Variants in KDM7A observed in about 807,000 individuals in gnomAD.
KDM7A encodes lysine-specific demethylase 7A.
A neutral mutation model predicts 114.8 loss-of-function variants in KDM7A; 28 were observed. The ratio of observed to expected loss-of-function variants is 0.24; its 90% CI spans 0.18 to 0.33. The LOEUF (loss-of-function observed/expected upper bound fraction) is 0.33. KDM7A is among the 10% of genes least tolerant of loss of function. KDM7A has a pLI of 1.00. For missense variants in KDM7A, 942 were observed against 1,142.5 expected (o/e 0.82, Z 2.53); for synonymous variants, 423 against 397.8 (o/e 1.06, Z -0.75).
rs940015401 is a variant in KDM7A at position 140,103,453 on chromosome 7, C to A, written c.1429-1293G>T. 9.9e-5 allele frequency among the ~76,000 whole-genome samples: 12 copies of A among 121,596 alleles called. 1 individual carries two copies. The highest frequency in any genetic ancestry group is 9.4e-3 in the Middle Eastern group (2 of 212). The allele number at this position is 121,596 out of a possible 152,430, so 79.8% of individuals were successfully genotyped here. A position where few individuals can be genotyped will look rare whatever the true frequency, so the allele number is the denominator to read the frequency against. On this transcript the variant is annotated intron_variant, in intron 11 of 19. Coordinates refer to ENST00000397560, the MANE Select transcript of KDM7A (RefSeq NM_030647.2). ...ACATTAGGATTTCTCCTAATGTTAT[C>A]CCTCCCCCCCCCTCCAACCCACGAC...
At chr7:140,165,712 G>C (rs1441377004) in intron 1 of KDM7A, among the ~76,000 whole-genome samples, 1 of 152,134 alleles carries the variant, frequency 6.6e-6, no homozygotes, top group Non-Finnish European at 1.5e-5. Flanking sequence ...ATCAATGCTT[G>C]TGTTCAGCTA....
Position 140,099,922 on chromosome 7 carries a change from C to G in KDM7A, c.1740G>C (p.Leu580=). 6.2e-7 allele frequency: 1 copy of G among 1,610,726 alleles called. No individual in the cohort carries two copies. Among genetic ancestry groups the G allele is most frequent in the African/African-American group, 1.3e-5 (1 of 75,012 alleles). ...WRAKDNDLRL[L]LTNGRIIKDE... ...ACTTAATTATTCTTCCATTTGTCAG[C>G]AGTAATCGTAGATCATTATCTTTCG... The change falls in exon 13 of 20, where the codon CTG becomes CTC. Residue 580 remains leucine (L), a synonymous_variant. Coordinates refer to ENST00000397560, the MANE Select transcript of KDM7A (RefSeq NM_030647.2).
chr7:140,126,917 A>C (rs1818714502), intron 5 of KDM7A, 94 bp from the exon 6 acceptor site: 1 of 891,262 alleles, frequency 1.1e-6, no homozygotes, highest in African/African-American at 1.7e-5. Context: ...CCAAATAATT[A>C]AATGGAACTT....
rs144475161 is a variant in KDM7A, at chr7:140,167,509, C to T, written c.194+9235G>A. Among the ~76,000 whole-genome samples, 33 of 152,222 alleles carry T rather than the reference C, an allele frequency of 2.2e-4. No homozygotes were observed. The East Asian group carries it at 6.4e-3, about 29-fold the overall frequency. ...ATAAATATGTTTTGGCATCTGAAGTCACTGGGACAAATGGACATTTCAATA... is the reference window on the plus strand; with the variant it reads ...ATAAATATGTTTTGGCATCTGAAGTTACTGGGACAAATGGACATTTCAATA... On this transcript the variant is annotated intron_variant, in intron 1 of 19. Coordinates refer to ENST00000397560, the MANE Select transcript of KDM7A (RefSeq NM_030647.2).
In KDM7A at chr7:140,089,666, T is replaced by C. The variant is rs983808346; in HGVS notation, c.*1428A>G. 6.6e-6 allele frequency: 1 copy of C among 151,972 alleles called. No homozygotes were observed. Among genetic ancestry groups the C allele is most frequent in the Non-Finnish European group, 1.5e-5 (1 of 67,978 alleles). The allele number at this position is 151,972 out of a possible 1,614,324, so 9.4% of individuals were successfully genotyped here. On this transcript the variant is annotated 3_prime_UTR_variant, in exon 20 of 20. Transcript: ENST00000397560. The stretch of plus-strand genomic sequence containing the variant: ...TGCCATGGATGGAAAAAAGGGAAAA[T>C]AGAAGCTACTATAAGCAAATGAAAA...
chr7:140,108,808 G>A (rs1406240187), intron 11 of KDM7A, among the ~76,000 whole-genome samples: 4 of 152,286 alleles, frequency 2.6e-5, no homozygotes, highest in African/African-American at 9.6e-5. Flanking sequence ...TGTCAGACAG[G>A]GACGTTTAAG....
At chr7:140,145,231 T>C (rs1462426714) in intron 1 of KDM7A, among the ~76,000 whole-genome samples, 2 of 152,174 alleles carry the variant, frequency 1.3e-5, no homozygotes, top group Non-Finnish European at 2.9e-5. Context: ...GGGGTTTTTG[T>C]AGGTAAAGAC....
intron 9 of KDM7A, among the ~76,000 whole-genome samples, chr7:140,118,677 A>G (rs1244059762): frequency 7.8e-6 from 1 of 127,458 alleles, no homozygotes; most frequent in Non-Finnish European, 1.7e-5. Flanking sequence ...TCGGCCTCCC[A>G]AAGTGCTAGG....
rs1486952504 is a variant in KDM7A, at chr7:140,176,616, A to G, written c.194+128T>C. The G allele has an allele frequency of 7.7e-6, 5 of 647,360 alleles. No individual in the cohort carries two copies. Among genetic ancestry groups the G allele is most frequent in the Non-Finnish European group, 9.6e-6 (5 of 523,554 alleles). 40.1% of individuals were successfully genotyped at this position (647,360 alleles called of 1,614,324 possible). A position where few individuals can be genotyped will look rare whatever the true frequency, so the allele number is the denominator to read the frequency against. ...CCACTGCCCGGCCGGGGGGCTAGGCACCGGGGCCCCCTGAAAGCTGGGCGC... is the reference window on the plus strand; with the variant it reads ...CCACTGCCCGGCCGGGGGGCTAGGCGCCGGGGCCCCCTGAAAGCTGGGCGC... On this transcript the variant is annotated intron_variant, in intron 1 of 19. Transcript: ENST00000397560. The surrounding 1 kb of genome is among the most constrained non-coding windows in gnomAD (Gnocchi z 4.4).
chr7:140,160,951 C>G (rs1011688738), intron 1 of KDM7A, among the ~76,000 whole-genome samples: 2 of 152,040 alleles, frequency 1.3e-5, no homozygotes, highest in African/African-American at 4.8e-5. Flanking sequence ...AAACTTTGAT[C>G]CTTTGATATA....
chr7:140,173,129 C>T lies in KDM7A; in HGVS notation c.194+3615G>A, dbSNP rs147745229. On this transcript the variant is annotated intron_variant, in intron 1 of 19. Transcript: ENST00000397560. ...GACATCTAGCCTGGAGATAAGGGAG[C>T]GGGGCCTTATCAGGAAAGACGTTTA... Among the ~76,000 whole-genome samples the T allele has an allele frequency of 4.2e-3, 638 of 152,058 alleles. 3 individuals are homozygous for T. The highest frequency in any genetic ancestry group is 0.013 in the African/African-American group (549 of 41,442).
intron 11 of KDM7A, among the ~76,000 whole-genome samples, chr7:140,105,774 G>A (rs1818326413): frequency 6.6e-6 from 1 of 152,188 alleles, no homozygotes; most frequent in Non-Finnish European, 1.5e-5. Context: ...CCTCTGCCAG[G>A]CTTTGCTATC....
intron 7 of KDM7A, among the ~76,000 whole-genome samples, chr7:140,121,430 A>G (rs1818616418): frequency 6.6e-6 from 1 of 152,210 alleles, no homozygotes; most frequent in Admixed American, 6.5e-5. Flanking sequence ...AAACCCTCAA[A>G]GGACTCACTT....
chr7:140,156,367 A>G (rs1285992375), intron 1 of KDM7A, among the ~76,000 whole-genome samples: 1 of 152,240 alleles, frequency 6.6e-6, no homozygotes, highest in Non-Finnish European at 1.5e-5. Flanking sequence ...TCTGTTATCA[A>G]TGAAATCCAA....
intron 3 of KDM7A, among the ~76,000 whole-genome samples, chr7:140,132,340 A>G (rs931909109): frequency 1.8e-4 from 27 of 152,206 alleles, no homozygotes; most frequent in African/African-American, 6.3e-4. Context: ...GTAAAGTCAC[A>G]TAAATTATTA....
At chr7:140,114,385 G>A (rs1176723951) in intron 9 of KDM7A, among the ~76,000 whole-genome samples, 6 of 152,172 alleles carry the variant, frequency 3.9e-5, no homozygotes, top group East Asian at 1.9e-4. Context: ...GGCCGGGCTG[G>A]TCTCCAGCTC....
At position 140,091,037 on chromosome 7, in the gene KDM7A, G is replaced by A. The variant is rs1181794730; in HGVS notation, c.*57C>T. ...GGCAGGGGGACAGCGGAAGCTCCAG[G>A]CTCCTGCACCCCTAGACTGGTCTCC... On this transcript the variant is annotated 3_prime_UTR_variant, in exon 20 of 20. Transcript: ENST00000397560. 4 of 1,256,616 alleles carry A rather than the reference G, an allele frequency of 3.2e-6. No homozygotes were observed. The East Asian group carries it at 6.9e-5, about 22-fold the overall frequency. The allele number at this position is 1,256,616 out of a possible 1,614,324, so 77.8% of individuals were successfully genotyped here.
chr7:140,114,513 C>T (rs1354540142), intron 9 of KDM7A, among the ~76,000 whole-genome samples: 3 of 151,854 alleles, frequency 2.0e-5, no homozygotes, highest in African/African-American at 2.4e-5. Flanking sequence ...GATCTCGGCT[C>T]GCTACAACCT....
chr7:140,154,273 G>C (rs1364794203), intron 1 of KDM7A, among the ~76,000 whole-genome samples: 1 of 151,354 alleles, frequency 6.6e-6, no homozygotes, highest in Non-Finnish European at 1.5e-5. Context: ...ACTTCTTGAA[G>C]CCAGAAGTTC....
Sources: gnomAD v4.1 joint callset for allele counts (sites outside exome capture counted in the v4.1 genomes callset) on GRCh38, gnomAD v4.1.1 for gene constraint, Gnocchi (gnomAD v3.1) non-coding constraint, MANE v1.5 for transcripts, NCBI Gene and HGNC (gene_info 2026-07-23, HGNC 2026-07-21) for gene names.